The following LAMB1 variants were observed in gnomAD, a reference collection of about 807,000 sequenced individuals.
The protein encoded by LAMB1 is laminin subunit beta 1.
A neutral mutation model predicts 222.3 loss-of-function variants in LAMB1; 121 were observed. The observed-to-expected ratio is 0.54, with a 90% CI of 0.47 to 0.63. The LOEUF (loss-of-function observed/expected upper bound fraction) is 0.63, where lower values mean the gene tolerates loss of function less well. LAMB1 is among the 30% of genes least tolerant of loss of function. LAMB1 has a pLI of 0.00. For missense variants in LAMB1, 2,172 were observed against 2,240.8 expected, an observed-to-expected ratio of 0.97 and a Z score of 0.62; for synonymous variants, 794 against 807.2, an observed-to-expected ratio of 0.98 and a Z score of 0.28.
At chr7:108,002,803 CA>C in intron 2 of LAMB1, 45 bp downstream of exon 2, 1 of 1,613,420 alleles carries the variant, frequency 6.2e-7, no homozygotes, top group Non-Finnish European at 8.5e-7. Context: ...TTTCCTTCCC[CA>C]TGCCCAAGTC....
intron 13 of LAMB1, among the ~76,000 whole-genome samples, chr7:107,966,419 C>T (rs1393794270): frequency 6.6e-6 from 1 of 151,982 alleles, no homozygotes; most frequent in Non-Finnish European, 1.5e-5. Flanking sequence ...CCATATTGGC[C>T]AGGCTGGTCT....
Position 107,962,748 on chromosome 7 carries a change from T to C in LAMB1, c.1857+157A>G, listed in dbSNP as rs550837598. ...AAAGAAAGAAAGAAAATGGTACATTTATTTTAACTTCCATGGAGGAGGTGA... is the reference window on the plus strand; with the variant it reads ...AAAGAAAGAAAGAAAATGGTACATTCATTTTAACTTCCATGGAGGAGGTGA... On this transcript the variant is annotated intron_variant, in intron 15 of 33. Transcript: ENST00000222399. Among the ~76,000 whole-genome samples the C allele has an allele frequency of 3.3e-5, 5 of 152,016 alleles. No homozygotes were observed. In the East Asian group the frequency reaches 9.7e-4, roughly 29 times the overall value.
chr7:107,987,544 A>G (rs534495767), intron 5 of LAMB1, among the ~76,000 whole-genome samples: 1 of 152,338 alleles, frequency 6.6e-6, no homozygotes, highest in East Asian at 1.9e-4. Flanking sequence ...GCTGTGGCCC[A>G]GGCTGGAGTG....
At chr7:107,950,926 GT>G (rs2033230312) in intron 24 of LAMB1, among the ~76,000 whole-genome samples, 3 of 27,012 alleles carry the variant, frequency 1.1e-4, no homozygotes, top group African/African-American at 3.3e-4. Context: ...TATTTGTGGT[GT>G]GTGTGTGTGT....
At chr7:107,937,010 T>C (rs2051952) in intron 26 of LAMB1, 83 bp downstream of exon 26, 8 of 1,161,694 alleles carry the variant, frequency 6.9e-6, no homozygotes, top group East Asian at 2.5e-5. Context: ...AAACTTTTTT[T>C]TTTCCCCAAA....
rs113538378 is a variant in LAMB1 at position 107,926,357 on chromosome 7, A to G, written c.4890T>C (p.Ile1630=). 1,314 of 1,612,504 alleles carry G rather than the reference A, an allele frequency of 8.1e-4. 8 individuals carry two copies. In the African/African-American group the frequency reaches 0.016, roughly 19 times the overall value. ...IQGTQNLLTS[I]ESETAASEET... is the part of the protein sequence containing the mutation. ...CCTCAGAAGCTGCTGTTTCAGACTC[A>G]ATCTAAAAGCATGTCAATTTTCCAG... The change falls in exon 32 of 34, where the codon ATT becomes ATC. Residue 1630 remains isoleucine, a splice_region_variant and synonymous_variant. Transcript: ENST00000222399.
chr7:107,929,190 A>G lies in LAMB1; in HGVS notation c.4761T>C (p.Asp1587=), dbSNP rs1394968985. Residue 1587 remains aspartate, a synonymous_variant, in exon 31 of 34, where the codon GAT becomes GAC. Transcript: ENST00000222399. ...TTACCATATCTGCAGTGACTTTAAC[A>G]TCTGTTGCACTTTTGCTGAGTAAAA... ...EAKRASKSAT[D]VKVTADMVKE... is the part of the protein sequence containing the mutation. 1.2e-6 allele frequency: 2 copies of G among 1,613,992 alleles called. No individual in the cohort carries two copies. The highest frequency in any genetic ancestry group is 2.2e-5 in the East Asian group (1 of 44,856).
At chr7:107,929,010 GGT>G in intron 31 of LAMB1, 52 bp downstream of exon 31, 1 of 1,523,814 alleles carries the variant, frequency 6.6e-7, no homozygotes, top group Non-Finnish European at 9.1e-7. Context: ...GTACTTTTCT[GGT>G]AAGTGTATAT....
At chr7:108,002,128 C>A (rs1393944995) in intron 2 of LAMB1, 2 of 1,472,580 alleles carry the variant, frequency 1.4e-6, no homozygotes, top group Non-Finnish European at 1.8e-6. Flanking sequence ...GCCACACACC[C>A]ACGCACGTGA....
At position 107,940,251 on chromosome 7, in the gene LAMB1, G is replaced by C. The variant is rs748625715; in HGVS notation, c.3499C>G (p.Arg1167Gly). 6.2e-7 allele frequency: 1 copy of C among 1,614,064 alleles called. No individual in the cohort carries two copies. Among genetic ancestry groups the C allele is most frequent in the Non-Finnish European group, 8.5e-7 (1 of 1,180,038 alleles). Residue 1167 changes from arginine to glycine, a missense_variant, in exon 25 of 34, where the codon CGA becomes GGA. Transcript: ENST00000222399. ...TCAGGGAAGACCCCCGAGTACCCTC[G>C]CGTGCACTTGTCACAGCGTGGACCC... is the stretch of plus-strand genomic sequence containing the variant. The part of the protein sequence containing the change: ...VEGPRCDKCT[R>G]GYSGVFPDCT...
At chr7:107,953,828 G>T in intron 21 of LAMB1, 74 bp from the exon 22 acceptor site, 3 of 1,286,650 alleles carry the variant, frequency 2.3e-6, no homozygotes, top group Non-Finnish European at 3.4e-6. Flanking sequence ...CGACACTCAT[G>T]CCTAGAGAGA....
intron 18 of LAMB1, 31 bp downstream of exon 18, chr7:107,960,414 G>A (rs1305110021): frequency 1.3e-6 from 2 of 1,559,544 alleles, no homozygotes; most frequent in Middle Eastern, 1.9e-4. Context: ...GCCAGAAACA[G>A]CAGCTGCTGC....
At chr7:107,971,042 T>C (rs2033739062) in intron 13 of LAMB1, among the ~76,000 whole-genome samples, 1 of 152,226 alleles carries the variant, frequency 6.6e-6, no homozygotes, top group South Asian at 2.1e-4. Context: ...ACTTCTTTAA[T>C]TATTCCAAAG....
At chr7:108,001,757 G>A (rs772476714) in intron 2 of LAMB1, 24 bp from the exon 3 acceptor site, 52 of 1,611,116 alleles carry the variant, frequency 3.2e-5, no homozygotes, top group Non-Finnish European at 4.3e-5. Flanking sequence ...AGGCAACAGA[G>A]TTGGGGGGAC....
intron 13 of LAMB1, among the ~76,000 whole-genome samples, chr7:107,971,429 CA>C (rs1326729524): frequency 6.6e-6 from 1 of 152,218 alleles, no homozygotes; most frequent in African/African-American, 2.4e-5. Context: ...CATCTGTGCA[CA>C]TCTCCCAGTA....
At chr7:107,987,862 C>T (rs1235235953) in intron 5 of LAMB1, among the ~76,000 whole-genome samples, 2 of 152,126 alleles carry the variant, frequency 1.3e-5, no homozygotes, top group African/African-American at 2.4e-5. Flanking sequence ...GGCGGCTGCA[C>T]GTGGCAGAAG....
intron 5 of LAMB1, among the ~76,000 whole-genome samples, chr7:107,989,836 CA>C (rs973149774): frequency 6.6e-6 from 1 of 152,122 alleles, no homozygotes; most frequent in Non-Finnish European, 1.5e-5. Flanking sequence ...TTTTAAGTCC[CA>C]AAGGACCATT....
Position 107,929,485 on chromosome 7 carries a change from C to G in LAMB1, c.4672G>C (p.Glu1558Gln), listed in dbSNP as rs1329661475. The change falls in exon 30 of 34, where the codon GAG becomes CAG. Residue 1558 changes from glutamate (E) to glutamine (Q), a missense_variant. Physicochemically the swap from Glu to Gln is conservative, Grantham distance 29. Coordinates refer to ENST00000222399, the MANE Select transcript of LAMB1 (RefSeq NM_002291.3). ...RERVESLSQV[E>Q]VILQHSAADI... ...GCAGCACTATGCTGAAGAATAACCT[C>G]TACTTGAGAAAGGCTTTCAACTCGT... 1 of 1,614,054 alleles carries G rather than the reference C, an allele frequency of 6.2e-7. No homozygotes were observed. Among genetic ancestry groups the G allele is most frequent in the African/African-American group, 1.3e-5 (1 of 74,926 alleles).
At chr7:107,963,146 C>A in intron 14 of LAMB1, 83 bp from the exon 15 acceptor site, 6 of 1,322,172 alleles carry the variant, frequency 4.5e-6, no homozygotes, top group Admixed American at 2.2e-5. Flanking sequence ...CCGAAGTCAC[C>A]CAAAGATTCA....
Sources: allele counts gnomAD v4.1 joint callset (sites outside exome capture counted in the v4.1 genomes callset), GRCh38; gene constraint gnomAD v4.1.1; transcripts MANE v1.5; gene names NCBI Gene and HGNC (gene_info 2026-07-23, HGNC 2026-07-21).